The following STARD9 variants were observed in gnomAD, a reference collection of about 807,000 sequenced individuals.
STARD9 encodes the protein StAR related lipid transfer domain containing 9.
STARD9 carries 346 observed loss-of-function variants against 399.8 expected under a neutral mutation model. The ratio of observed to expected loss-of-function variants is 0.87; its 90% CI spans 0.79 to 0.95. The LOEUF (loss-of-function observed/expected upper bound fraction) is 0.95. STARD9 is among the 40% of genes least tolerant of loss of function. The probability of loss-of-function intolerance (pLI) is 0.00; values close to 1 mark genes in which losing one functional copy is unlikely to be tolerated. For synonymous variants in STARD9, 2,203 were observed against 2,143.5 expected (o/e 1.03, Z -0.77); for missense variants, 5,832 against 5,667.5 (o/e 1.03, Z -0.93).
At position 42,693,078 on chromosome 15, in the gene STARD9, AG is replaced by A. The variant is rs1393798266; in HGVS notation, c.11501del (p.Ser3834ThrfsTer21). 6.5e-7 allele frequency: 1 copy of A among 1,537,052 alleles called. No individual in the cohort carries two copies. Among genetic ancestry groups the A allele is most frequent in the Admixed American group, 2.0e-5 (1 of 51,000 alleles). Reference sequence around the variant, plus strand: ...CGTTGGGCAGCATCTTCCTTCTGTGAGCCCCTCAGTTTCTGATGCTTTCCTG... The same window carrying A: ...CGTTGGGCAGCATCTTCCTTCTGTGACCCCTCAGTTTCTGATGCTTTCCTG... ...APVGQHLPSV[S>X]PSVSDAFLPP... is the part of the protein sequence containing the mutation. On this transcript the variant is annotated frameshift_variant, in exon 23 of 33. Coordinates refer to ENST00000290607, the MANE Select transcript of STARD9 (RefSeq NM_020759.3). LOFTEE classifies it high-confidence loss of function.
intron 15 of STARD9, among the ~76,000 whole-genome samples, chr15:42,666,192 G>T (rs2060099749): frequency 6.6e-6 from 1 of 152,200 alleles, no homozygotes; most frequent in Non-Finnish European, 1.5e-5. Context: ...AAGAGGTACA[G>T]AGAGGTCCCT....
chr15:42,676,995 G>A lies in STARD9; in HGVS notation c.1874+1020G>A, dbSNP rs570855225. On this transcript the variant is annotated intron_variant, in intron 20 of 32. Transcript: ENST00000290607. ...GGGCTGGGCACGGTGGCTCCTGCCT[G>A]TAATCCCAGCACTTTGGGAGGCCGA... Among the ~76,000 whole-genome samples the A allele has an allele frequency of 2.1e-4, 31 of 147,970 alleles. No individual in the cohort carries two copies. The East Asian group carries it at 6.4e-3, about 31-fold the overall frequency.
chr15:42,715,700 G>A (rs2061337063), intron 26 of STARD9, among the ~76,000 whole-genome samples: 1 of 152,088 alleles, frequency 6.6e-6, no homozygotes, highest in African/African-American at 2.4e-5. Flanking sequence ...GTAGAGATGG[G>A]GTTTCACCAT....
At position 42,616,848 on chromosome 15, in the gene STARD9, G is replaced by A. The variant is rs571305062; in HGVS notation, c.235-18008G>A. Among the ~76,000 whole-genome samples, 15 of 145,704 alleles carry A rather than the reference G, an allele frequency of 1.0e-4. No individual in the cohort carries two copies. The South Asian group carries it at 1.9e-3, about 19-fold the overall frequency. ...AGAGGTTGCAGTGAGCTGAGATCGC[G>A]TCACTGCACTCCAGCCTGGGTGACA... On this transcript the variant is annotated intron_variant, in intron 3 of 32. Coordinates refer to ENST00000290607, the MANE Select transcript of STARD9 (RefSeq NM_020759.3).
At chr15:42,638,892 A>ACC in intron 7 of STARD9, 80 bp downstream of exon 7, 1 of 752,842 alleles carries the variant, frequency 1.3e-6, no homozygotes, top group Non-Finnish European at 2.1e-6. Context: ...TTCATTGAAC[A>ACC]TAGGTGTAAT....
intron 26 of STARD9, among the ~76,000 whole-genome samples, chr15:42,710,160 C>T (rs781099875): frequency 3.3e-5 from 5 of 149,868 alleles, no homozygotes; most frequent in African/African-American, 7.5e-5. Context: ...CCCTGGGCGC[C>T]GGTGATCCTC....
At chr15:42,628,780 G>A (rs2059274762) in intron 3 of STARD9, among the ~76,000 whole-genome samples, 1 of 152,006 alleles carries the variant, frequency 6.6e-6, no homozygotes, top group Non-Finnish European at 1.5e-5. Flanking sequence ...TTGTTCTATT[G>A]GTCTGCGTGT....
intron 1 of STARD9, among the ~76,000 whole-genome samples, chr15:42,578,056 A>G (rs1452534283): frequency 1.3e-5 from 2 of 151,966 alleles, no homozygotes; most frequent in African/African-American, 2.4e-5. Flanking sequence ...GAAAAGTTGC[A>G]TTTGTGTCTC....
rs1225684904 is a variant in STARD9 at position 42,688,764 on chromosome 15, G to A, written c.7186G>A (p.Val2396Ile). ...CAGAAGCCACAGCCCCGAAGGAAATGTTAGAGGGCGTTCCTCTGAGGCACA... is the reference window on the plus strand; with the variant it reads ...CAGAAGCCACAGCCCCGAAGGAAATATTAGAGGGCGTTCCTCTGAGGCACA... ...ETRSHSPEGNVRGRSSEAHTA... is the reference protein window; with the variant it reads ...ETRSHSPEGNIRGRSSEAHTA... The change falls in exon 23 of 33, where the codon GTT (valine) becomes ATT (isoleucine). Residue 2396 changes from valine to isoleucine, a missense_variant. Transcript: ENST00000290607. The A allele has an allele frequency of 6.5e-7, 1 of 1,537,578 alleles. No homozygotes were observed. The highest frequency in any genetic ancestry group is 1.4e-5 in the African/African-American group (1 of 73,054).
Position 42,695,203 on chromosome 15 carries a change from C to T in STARD9, c.13026C>T (p.Asp4342=). The T allele has an allele frequency of 1.3e-6, 2 of 1,537,182 alleles. No homozygotes were observed. Among genetic ancestry groups the T allele is most frequent in the Non-Finnish European group, 1.7e-6 (2 of 1,146,866 alleles). The stretch of plus-strand genomic sequence containing the variant: ...CTGACATAGAGTTGATGCTGCAAGA[C>T]TACCAGCAGGCCCATGAGGAGGCCA... ...TPSDIELMLQ[D]YQQAHEEAKV... The change falls in exon 25 of 33, where the codon GAC becomes GAT. Residue 4342 remains aspartate, a synonymous_variant. Coordinates refer to ENST00000290607, the MANE Select transcript of STARD9 (RefSeq NM_020759.3).
At position 42,687,929 on chromosome 15, in the gene STARD9, A is replaced by G. The variant is rs538352673; in HGVS notation, c.6351A>G (p.Pro2117=). The G allele has an allele frequency of 6.5e-7, 1 of 1,537,354 alleles. No homozygotes were observed. The highest frequency in any genetic ancestry group is 8.7e-7 in the Non-Finnish European group (1 of 1,146,938). Residue 2117 remains proline, a synonymous_variant, in exon 23 of 33, where the codon CCA becomes CCG. Coordinates refer to ENST00000290607, the MANE Select transcript of STARD9 (RefSeq NM_020759.3). ...PLPSKDQPSS[P]RQTDDTVFRD... is the part of the protein sequence containing the mutation. ...CCTCTAAGGATCAGCCATCTTCTCC[A>G]AGACAGACAGATGATACTGTCTTTA... is the stretch of plus-strand genomic sequence containing the variant.
intron 3 of STARD9, among the ~76,000 whole-genome samples, chr15:42,626,393 TTCCTCC>T (rs1192409563): frequency 7.9e-6 from 1 of 126,710 alleles, no homozygotes; most frequent in Non-Finnish European, 1.7e-5. Flanking sequence ...CCTCTTCCTC[TTCCTCC>T]TCCTCTTCTT....
intron 10 of STARD9, 128 bp downstream of exon 10, chr15:42,661,353 A>T (rs1431644104): frequency 1.4e-6 from 1 of 699,106 alleles, no homozygotes; most frequent in Admixed American, 2.6e-5. Context: ...AGCTCTTTGA[A>T]TGCTAGGTTA....
At chr15:42,632,406 G>A (rs2059349035) in intron 3 of STARD9, among the ~76,000 whole-genome samples, 1 of 152,040 alleles carries the variant, frequency 6.6e-6, no homozygotes, top group African/African-American at 2.4e-5. Context: ...TCTTTTGATT[G>A]GAGAGTTTAG....
chr15:42,630,307 T>C (rs978176539), intron 3 of STARD9, among the ~76,000 whole-genome samples: 1 of 152,146 alleles, frequency 6.6e-6, no homozygotes, highest in African/African-American at 2.4e-5. Flanking sequence ...CCAGCCTGAA[T>C]GATCTTTTTC....
At chr15:42,696,004 T>C (rs1204785445) in intron 26 of STARD9, 124 bp downstream of exon 26, 1 of 1,009,252 alleles carries the variant, frequency 9.9e-7, no homozygotes, top group African/African-American at 1.7e-5. Context: ...ACTGCTGACA[T>C]GAGCCCTTCT....
chr15:42,590,493 T>A (rs991766704), intron 3 of STARD9, among the ~76,000 whole-genome samples: 1 of 152,138 alleles, frequency 6.6e-6, no homozygotes, highest in South Asian at 2.1e-4. Flanking sequence ...TATCTGACTT[T>A]AGGGGGATTT....
chr15:42,607,362 G>A (rs771241071), intron 3 of STARD9, among the ~76,000 whole-genome samples: 3 of 151,072 alleles, frequency 2.0e-5, no homozygotes, highest in Non-Finnish European at 4.4e-5. Flanking sequence ...ACCACCATGC[G>A]CGGCTAATTT....
intron 26 of STARD9, among the ~76,000 whole-genome samples, chr15:42,702,652 T>C (rs1403317342): frequency 2.0e-5 from 3 of 152,240 alleles, no homozygotes; most frequent in Non-Finnish European, 4.4e-5. Context: ...TGTTTGCTTG[T>C]TACACATTAG....
Sources: allele counts gnomAD v4.1 joint callset (sites outside exome capture counted in the v4.1 genomes callset), GRCh38; gene constraint gnomAD v4.1.1; transcripts MANE v1.5; gene names NCBI Gene and HGNC (gene_info 2026-07-23, HGNC 2026-07-21).